The following XYLT1 variants were observed in gnomAD, a reference collection of about 807,000 sequenced individuals.
XYLT1 encodes xylosyltransferase 1, also known as beta-D-xylosyltransferase 1.
In XYLT1, 36 loss-of-function variants were observed where a neutral mutation model predicts 91.3. The observed-to-expected ratio is 0.39, with a 90% CI of 0.30 to 0.52. XYLT1 has a LOEUF of 0.52. Ranked by LOEUF, XYLT1 falls within the 20% of genes least tolerant of loss-of-function variation. The pLI, the probability that XYLT1 is intolerant of heterozygous loss-of-function variation, is 0.68. For synonymous variants in XYLT1, 588 were observed against 532.0 expected (o/e 1.11, Z -1.45); for missense variants, 1,242 against 1,284.5 (o/e 0.97, Z 0.51).
chr16:17,241,105 C>T (rs914950167), intron 3 of XYLT1, among the ~76,000 whole-genome samples: 1 of 152,230 alleles, frequency 6.6e-6, no homozygotes, highest in Non-Finnish European at 1.5e-5. Flanking sequence ...AGTCTGGAGG[C>T]TGAGCTCCGC....
At chr16:17,288,159 G>A (rs867172907) in intron 2 of XYLT1, among the ~76,000 whole-genome samples, 1 of 151,638 alleles carries the variant, frequency 6.6e-6, no homozygotes, top group East Asian at 2.0e-4. Context: ...AAACTCCTGA[G>A]CTCAAGCCAT....
At chr16:17,135,008 CTAAA>C (rs1439519307) in intron 8 of XYLT1, among the ~76,000 whole-genome samples, 1 of 152,016 alleles carries the variant, frequency 6.6e-6, no homozygotes, top group Non-Finnish European at 1.5e-5. Flanking sequence ...GTTAAATAAA[CTAAA>C]TAATTTTAGA....
In XYLT1 at chr16:17,451,980, T is replaced by C. The variant is rs571367461; in HGVS notation, c.363+18454A>G. 1.6e-4 allele frequency among the ~76,000 whole-genome samples: 25 copies of C among 152,290 alleles called. No homozygotes were observed. The South Asian group carries it at 4.8e-3, about 29-fold the overall frequency. On this transcript the variant is annotated intron_variant, in intron 1 of 11. Coordinates refer to ENST00000261381, the MANE Select transcript of XYLT1 (RefSeq NM_022166.4). ...AAAAAGGTACATGAAGTGTGCTGTG[T>C]TTTGATGTGGGCAGGCTAAGTGATA...
At chr16:17,439,655 T>C (rs1056666863) in intron 1 of XYLT1, among the ~76,000 whole-genome samples, 3 of 152,112 alleles carry the variant, frequency 2.0e-5, no homozygotes, top group African/African-American at 7.2e-5. Context: ...GAAAACACTG[T>C]AGTAGTAGGT....
chr16:17,112,934 G>A (rs1040689547), intron 11 of XYLT1, among the ~76,000 whole-genome samples: 2 of 152,056 alleles, frequency 1.3e-5, no homozygotes, highest in African/African-American at 4.8e-5. Context: ...CCACCTCCTG[G>A]GTTCAAGCAA....
intron 3 of XYLT1, among the ~76,000 whole-genome samples, chr16:17,239,574 C>T (rs1045148964): frequency 6.7e-6 from 1 of 150,174 alleles, no homozygotes; most frequent in Non-Finnish European, 1.5e-5. Context: ...GTCCATCCAT[C>T]CATCCACTCA....
chr16:17,136,248 T>C (rs954374900), intron 8 of XYLT1, among the ~76,000 whole-genome samples: 6 of 152,178 alleles, frequency 3.9e-5, no homozygotes, highest in South Asian at 4.1e-4. Context: ...ACTCACACCA[T>C]TGTAAGATTT....
At chr16:17,449,014 T>C (rs779547359) in intron 1 of XYLT1, among the ~76,000 whole-genome samples, 21 of 152,192 alleles carry the variant, frequency 1.4e-4, no homozygotes, top group Non-Finnish European at 8.8e-5. Flanking sequence ...GCTTCTCTAC[T>C]GCATTGCACT....
At chr16:17,328,651 A>G (rs1024844034) in intron 2 of XYLT1, among the ~76,000 whole-genome samples, 27 of 147,640 alleles carry the variant, frequency 1.8e-4, no homozygotes, top group African/African-American at 6.7e-4. Flanking sequence ...GCAGATTTTT[A>G]TTTTTTAAAG....
At chr16:17,221,362 C>CGGTT (rs1005716835) in intron 3 of XYLT1, among the ~76,000 whole-genome samples, 4 of 152,086 alleles carry the variant, frequency 2.6e-5, no homozygotes, top group Non-Finnish European at 5.9e-5. Context: ...AGAGTGTTTT[C>CGGTT]GGTTGGTTGG....
intron 3 of XYLT1, among the ~76,000 whole-genome samples, chr16:17,219,970 T>C (rs377428212): frequency 1.1e-3 from 171 of 152,272 alleles, no homozygotes; most frequent in African/African-American, 4.0e-3. Context: ...AGAACCTCTC[T>C]GAATGAACTG....
intron 2 of XYLT1, among the ~76,000 whole-genome samples, chr16:17,321,606 T>G (rs6416675): frequency 6.6e-6 from 1 of 151,602 alleles, no homozygotes; most frequent in South Asian, 2.1e-4. Flanking sequence ...GATCTCCCCG[T>G]GTCAGACTCC....
At chr16:17,326,769 G>C (rs111717637) in intron 2 of XYLT1, among the ~76,000 whole-genome samples, 1 of 151,376 alleles carries the variant, frequency 6.6e-6, no homozygotes, top group Non-Finnish European at 1.5e-5. Flanking sequence ...AGCTTGCAGT[G>C]AGCCGAGATC....
intron 6 of XYLT1, among the ~76,000 whole-genome samples, chr16:17,147,847 TAA>T (rs1201870569): frequency 6.6e-6 from 1 of 152,232 alleles, no homozygotes; most frequent in African/African-American, 2.4e-5. Flanking sequence ...TGACTTTTTA[TAA>T]AATATGGCTC....
chr16:17,193,705 C>T (rs1209235275), intron 5 of XYLT1: 2 of 152,260 alleles, frequency 1.3e-5, no homozygotes, highest in Non-Finnish European at 2.9e-5. Flanking sequence ...CTCATTCTTT[C>T]TGGGATGGGA....
At chr16:17,191,416 G>A (rs2032308123) in intron 5 of XYLT1, among the ~76,000 whole-genome samples, 1 of 152,204 alleles carries the variant, frequency 6.6e-6, no homozygotes, top group South Asian at 2.1e-4. Context: ...CAGAGTGACT[G>A]GGATCTGTGC....
In XYLT1 at chr16:17,166,515, CT is replaced by C. The variant is rs369535545; in HGVS notation, c.1290-7607del. ...TGGGAAGGGCTCAGTCCATCATTCACTTTTTTTTTTTTTTGAGGTAGAGTCT... is the reference window on the plus strand; with the variant it reads ...TGGGAAGGGCTCAGTCCATCATTCACTTTTTTTTTTTTTGAGGTAGAGTCT... On this transcript the variant is annotated intron_variant, in intron 5 of 11. Transcript: ENST00000261381. 6.5e-3 allele frequency among the ~76,000 whole-genome samples: 944 copies of C among 144,126 alleles called. 6 individuals carry two copies. The highest frequency in any genetic ancestry group is 0.015 in the African/African-American group (595 of 39,664). 94.6% of individuals were successfully genotyped at this position (144,126 alleles called of 152,430 possible).
intron 1 of XYLT1, among the ~76,000 whole-genome samples, chr16:17,406,215 T>A (rs1229126874): frequency 1.3e-5 from 2 of 152,180 alleles, no homozygotes; most frequent in African/African-American, 4.8e-5. Flanking sequence ...TATTCATGCA[T>A]TCACATGCTC....
chr16:17,295,415 GT>G (rs2034295243), intron 2 of XYLT1, among the ~76,000 whole-genome samples: 1 of 151,718 alleles, frequency 6.6e-6, no homozygotes, highest in South Asian at 2.1e-4. Flanking sequence ...GAGTGCAGTG[GT>G]ACGATCTCGG....
Sources: allele counts gnomAD v4.1 joint callset (sites outside exome capture counted in the v4.1 genomes callset), GRCh38; gene constraint gnomAD v4.1.1; transcripts MANE v1.5; gene names NCBI Gene and HGNC (gene_info 2026-07-23, HGNC 2026-07-21).